SBF2: variants seen among roughly 807,000 people sequenced by gnomAD.
The protein encoded by SBF2 is SET binding factor 2.
SBF2 carries 112 observed loss-of-function variants against 225.2 expected under a neutral mutation model. The ratio of observed to expected loss-of-function variants is 0.50; its 90% CI spans 0.43 to 0.58. The LOEUF (loss-of-function observed/expected upper bound fraction) is 0.58, where lower values mean the gene tolerates loss of function less well. SBF2 is among the 20% of genes least tolerant of loss of function. The pLI is 0.00. For missense variants in SBF2, 1,996 were observed against 2,206.2 expected (o/e 0.90, Z 1.91); for synonymous variants, 763 against 773.3 (o/e 0.99, Z 0.22).
At chr11:9,979,730 T>TA (rs1323292383) in intron 13 of SBF2, among the ~76,000 whole-genome samples, 1 of 152,122 alleles carries the variant, frequency 6.6e-6, no homozygotes, top group African/African-American at 2.4e-5. Flanking sequence ...TGCTTCTTAG[T>TA]AAAGAAGCTA....
chr11:9,847,784 T>A (rs1294606888), intron 22 of SBF2, among the ~76,000 whole-genome samples: 3 of 152,088 alleles, frequency 2.0e-5, no homozygotes, highest in African/African-American at 7.2e-5. Flanking sequence ...AGTAGCACAC[T>A]CAAGACCTCC....
chr11:10,008,571 C>T (rs1287579068), intron 6 of SBF2, among the ~76,000 whole-genome samples: 1 of 142,648 alleles, frequency 7.0e-6, no homozygotes, highest in Non-Finnish European at 1.5e-5. Flanking sequence ...CCAATTTGCC[C>T]TAGGAATATC....
At chr11:10,091,445 T>A (rs925376643) in intron 2 of SBF2, among the ~76,000 whole-genome samples, 12 of 152,180 alleles carry the variant, frequency 7.9e-5, no homozygotes, top group Non-Finnish European at 1.5e-5. Context: ...ATACACCAGC[T>A]TGTCACCATA....
At chr11:10,135,393 C>T (rs1267624020) in intron 2 of SBF2, among the ~76,000 whole-genome samples, 1 of 152,210 alleles carries the variant, frequency 6.6e-6, no homozygotes, top group Non-Finnish European at 1.5e-5. Context: ...CTCCTCGTTA[C>T]TTATGCAAAT....
At chr11:9,992,048 A>T (rs190226817) in intron 12 of SBF2, among the ~76,000 whole-genome samples, 1 of 152,274 alleles carries the variant, frequency 6.6e-6, no homozygotes, top group African/African-American at 2.4e-5. Flanking sequence ...ACCATTTTTT[A>T]AAATGTAATA....
intron 1 of SBF2, among the ~76,000 whole-genome samples, chr11:10,234,614 C>A (rs1415705148): frequency 1.3e-5 from 2 of 152,106 alleles, no homozygotes; most frequent in Non-Finnish European, 2.9e-5. Flanking sequence ...CAAAATTTTC[C>A]ATGTGCAGCT....
At chr11:9,958,887 G>A in intron 16 of SBF2, 2 of 682,100 alleles carry the variant, frequency 2.9e-6, no homozygotes, top group Non-Finnish European at 5.5e-6. Context: ...TGGGGAATGT[G>A]TATGCTGGCA....
Position 10,174,971 on chromosome 11 carries a change from T to C in SBF2, c.141+18931A>G, listed in dbSNP as rs569362736. ...CAGACAAGCAAATGCTGAGAGATTTTGTCACCACCAGGCCTGCCCTAAAAG... is the reference window on the plus strand; with the variant it reads ...CAGACAAGCAAATGCTGAGAGATTTCGTCACCACCAGGCCTGCCCTAAAAG... On this transcript the variant is annotated intron_variant, in intron 2 of 39. Transcript: ENST00000256190. 5.7e-3 allele frequency among the ~76,000 whole-genome samples: 861 copies of C among 152,044 alleles called. 9 individuals carry two copies. The highest frequency in any genetic ancestry group is 0.02 in the African/African-American group (821 of 41,440).
intron 16 of SBF2, among the ~76,000 whole-genome samples, chr11:9,908,325 A>C (rs1862269794): frequency 6.6e-6 from 1 of 152,224 alleles, no homozygotes; most frequent in Admixed American, 6.5e-5. Flanking sequence ...GAAATTGTGA[A>C]TAGAGAAGGC....
intron 2 of SBF2, among the ~76,000 whole-genome samples, chr11:10,165,828 A>G (rs1442737): frequency 0.22 from 33,249 of 152,178 alleles, 4,246 homozygotes; most frequent in Non-Finnish European, 0.3. Flanking sequence ...AGGAATTTGA[A>G]TATGTATGTA....
chr11:9,938,033 T>C (rs755111401), intron 16 of SBF2, among the ~76,000 whole-genome samples: 23 of 138,310 alleles, frequency 1.7e-4, no homozygotes, highest in East Asian at 1.4e-3. Flanking sequence ...TAGCTCACAC[T>C]TGTAATCCCA....
At chr11:10,145,622 T>C (rs573894865) in intron 2 of SBF2, among the ~76,000 whole-genome samples, 142 of 152,306 alleles carry the variant, frequency 9.3e-4, no homozygotes, top group African/African-American at 3.0e-3. Context: ...CTTAGTATTT[T>C]ATAGTTATTA....
chr11:10,176,538 T>C (rs1591141291), intron 2 of SBF2, among the ~76,000 whole-genome samples: 2 of 151,840 alleles, frequency 1.3e-5, no homozygotes, highest in East Asian at 3.9e-4. Context: ...AAATACAAAC[T>C]ACCATCAGAG....
intron 2 of SBF2, among the ~76,000 whole-genome samples, chr11:10,153,547 G>T (rs529744882): frequency 6.6e-6 from 1 of 152,154 alleles, no homozygotes; most frequent in African/African-American, 2.4e-5. Context: ...TTAATTTATA[G>T]CACTAAACAG....
In SBF2 at chr11:9,949,785, A is replaced by G. The variant is rs116232060; in HGVS notation, c.1860+12172T>C. On this transcript the variant is annotated intron_variant, in intron 16 of 39. Coordinates refer to ENST00000256190, the MANE Select transcript of SBF2 (RefSeq NM_030962.4). ...TTACTCGAGATTCACGTTTTATTAAAAACATAATGCTGACTGACAAAAGAC... is the reference window on the plus strand; with the variant it reads ...TTACTCGAGATTCACGTTTTATTAAGAACATAATGCTGACTGACAAAAGAC... Among the ~76,000 whole-genome samples the G allele has an allele frequency of 9.8e-3, 1,499 of 152,270 alleles. 26 individuals carry two copies. The highest frequency in any genetic ancestry group is 0.034 in the African/African-American group (1,403 of 41,558).
At chr11:10,039,995 T>C (rs1246295155) in intron 3 of SBF2, among the ~76,000 whole-genome samples, 1 of 151,862 alleles carries the variant, frequency 6.6e-6, no homozygotes, top group Non-Finnish European at 1.5e-5. Context: ...AGTTCCTGCT[T>C]ATAGTAAAAG....
chr11:10,140,974 A>G (rs1055768172), intron 2 of SBF2, among the ~76,000 whole-genome samples: 3 of 152,170 alleles, frequency 2.0e-5, no homozygotes, highest in Admixed American at 6.5e-5. Context: ...CAAGCAAATC[A>G]TGATTGGAGG....
At chr11:9,862,331 T>C (rs1311418293) in intron 17 of SBF2, among the ~76,000 whole-genome samples, 2 of 152,186 alleles carry the variant, frequency 1.3e-5, no homozygotes, top group Non-Finnish European at 2.9e-5. Flanking sequence ...CAGTATCACT[T>C]TATTCTGCCT....
intron 2 of SBF2, among the ~76,000 whole-genome samples, chr11:10,081,746 C>T (rs1181886764): frequency 3.0e-5 from 4 of 134,206 alleles, no homozygotes; most frequent in East Asian, 2.2e-4. Flanking sequence ...ACCCACAGAG[C>T]AAGACTCCAC....
Sources: allele counts gnomAD v4.1 joint callset (sites outside exome capture counted in the v4.1 genomes callset), GRCh38; gene constraint gnomAD v4.1.1; transcripts MANE v1.5; gene names NCBI Gene and HGNC (gene_info 2026-07-23, HGNC 2026-07-21).